Variants in DEUP1 observed in about 807,000 individuals in gnomAD.
DEUP1 encodes deuterosome assembly protein 1.
A neutral mutation model predicts 87.4 loss-of-function variants in DEUP1; 82 were observed. The ratio of observed to expected loss-of-function variants is 0.94; its 90% CI spans 0.78 to 1.13. The LOEUF is 1.13. Ranked by LOEUF, DEUP1 falls within the 50% of genes most tolerant of loss-of-function variation. The pLI is 0.00. For missense variants in DEUP1, 663 were observed against 681.5 expected, an observed-to-expected ratio of 0.97 and a Z score of 0.30; for synonymous variants, 214 against 222.7, an observed-to-expected ratio of 0.96 and a Z score of 0.35.
intron 11 of DEUP1, among the ~76,000 whole-genome samples, chr11:93,398,054 T>C (rs986878021): frequency 1.3e-5 from 2 of 152,100 alleles, no homozygotes; most frequent in Non-Finnish European, 2.9e-5. Context: ...CTCTAGATGA[T>C]ACATGTTAAC....
At position 93,394,540 on chromosome 11, in the gene DEUP1, G is replaced by T; in HGVS notation, c.1123G>T (p.Glu375Ter). 1 of 1,612,028 alleles carries T rather than the reference G, an allele frequency of 6.2e-7. No homozygotes were observed. The highest frequency in any genetic ancestry group is 8.5e-7 in the Non-Finnish European group (1 of 1,178,938). The change falls in exon 10 of 14, where the codon GAA becomes TAA. Residue 375 changes from glutamate (E) to a stop codon, truncating the protein, a stop_gained. Transcript: ENST00000298050. LOFTEE classifies it high-confidence loss of function. The part of the protein sequence containing the change: ...RMRNEISDLT[E>*]ELHQKEITIA... Reference sequence around the variant, plus strand: ...GAGGAATGAAATCTCTGACCTAACAGAAGAGCTTCATCAGAAGGAGATCAC... The same window carrying T: ...GAGGAATGAAATCTCTGACCTAACATAAGAGCTTCATCAGAAGGAGATCAC...
chr11:93,418,870 A>G (rs1046479502), intron 13 of DEUP1, among the ~76,000 whole-genome samples: 1 of 152,008 alleles, frequency 6.6e-6, no homozygotes, highest in African/African-American at 2.4e-5. Flanking sequence ...TGATGAGTTC[A>G]TGTCCTTTGT....
chr11:93,348,271 T>G (rs1291003710), intron 2 of DEUP1, among the ~76,000 whole-genome samples: 2 of 152,154 alleles, frequency 1.3e-5, no homozygotes. Context: ...TTTATTCATT[T>G]TTTTCAAAAA....
At chr11:93,414,856 A>C (rs752785843) in intron 12 of DEUP1, 144 bp from the exon 13 acceptor site, 17 of 419,146 alleles carry the variant, frequency 4.1e-5, no homozygotes, top group Non-Finnish European at 7.3e-5. Flanking sequence ...GGAAAGTCAT[A>C]TTCAAAGAAA....
chr11:93,436,839 G>A (rs566584370), intron 13 of DEUP1, among the ~76,000 whole-genome samples: 19 of 152,214 alleles, frequency 1.2e-4, no homozygotes, highest in Admixed American at 5.2e-4. Flanking sequence ...TTTTCAAAAC[G>A]AAGAATTGTA....
At chr11:93,406,578 G>A (rs1188019511) in intron 11 of DEUP1, among the ~76,000 whole-genome samples, 1 of 151,590 alleles carries the variant, frequency 6.6e-6, no homozygotes, top group Non-Finnish European at 1.5e-5. Context: ...ATAAAAGCAA[G>A]GAAGAAGTCA....
chr11:93,434,692 C>T (rs573145030), intron 13 of DEUP1, among the ~76,000 whole-genome samples: 2 of 152,178 alleles, frequency 1.3e-5, no homozygotes, highest in Non-Finnish European at 2.9e-5. Flanking sequence ...TGTAGAACAA[C>T]AGAGCCTAAA....
chr11:93,375,271 G>C (rs1421174256), intron 7 of DEUP1, among the ~76,000 whole-genome samples: 1 of 151,968 alleles, frequency 6.6e-6, no homozygotes, highest in African/African-American at 2.4e-5. Context: ...TACTGATTTG[G>C]ATGCCCTTTA....
In DEUP1 at chr11:93,355,478, G is replaced by A. The variant is rs757502099; in HGVS notation, c.137G>A (p.Arg46Gln). Residue 46 changes from arginine to glutamine, a missense_variant, in exon 3 of 14, where the codon CGA becomes CAA. Coordinates refer to ENST00000298050, the MANE Select transcript of DEUP1 (RefSeq NM_181645.4). ...WERKMRALET[R>Q]LDLRDQELAN... The stretch of plus-strand genomic sequence containing the variant: ...AGAAAGATGCGGGCTTTGGAGACAC[G>A]ATTAGATCTTCGGGATCAAGAATTG... 3.4e-5 allele frequency: 55 copies of A among 1,613,700 alleles called. No homozygotes were observed. Among genetic ancestry groups the A allele is most frequent in the South Asian group, 1.2e-4 (11 of 91,072 alleles).
intron 13 of DEUP1, among the ~76,000 whole-genome samples, chr11:93,426,994 T>TAAAA (rs1157644297): frequency 2.1e-3 from 6 of 2,912 alleles, no homozygotes; most frequent in Non-Finnish European, 2.2e-3. Flanking sequence ...TAGAGTATAA[T>TAAAA]AAAAAAAAAA....
intron 9 of DEUP1, 59 bp downstream of exon 9, chr11:93,389,184 G>A: frequency 2.1e-6 from 2 of 947,100 alleles, no homozygotes; most frequent in Admixed American, 3.1e-5. Context: ...ACATACAAAG[G>A]GAGTTAAAAA....
At chr11:93,349,774 T>C (rs1312969370) in intron 2 of DEUP1, among the ~76,000 whole-genome samples, 1 of 151,986 alleles carries the variant, frequency 6.6e-6, no homozygotes, top group Non-Finnish European at 1.5e-5. Flanking sequence ...AATAAAAATA[T>C]TTGTGGAAAT....
chr11:93,434,261 G>A (rs1186708145), intron 13 of DEUP1, among the ~76,000 whole-genome samples: 1 of 152,172 alleles, frequency 6.6e-6, no homozygotes, highest in Admixed American at 6.5e-5. Context: ...TGCTGCAATT[G>A]GTCGCTGACA....
At chr11:93,344,958 A>C (rs1001509342) in intron 2 of DEUP1, among the ~76,000 whole-genome samples, 1 of 151,764 alleles carries the variant, frequency 6.6e-6, no homozygotes, top group Non-Finnish European at 1.5e-5. Flanking sequence ...CATCATCCAC[A>C]TACTAAGCCT....
Position 93,437,951 on chromosome 11 carries a change from A to C in DEUP1, c.*232A>C. ...GCTGTAGAGTTACTATAAAATAAAC[A>C]TGACTATTCCAAAAGAGATTTTTTT... On this transcript the variant is annotated 3_prime_UTR_variant, in exon 14 of 14. Transcript: ENST00000298050. The C allele has an allele frequency of 3.2e-6, 1 of 312,880 alleles. No homozygotes were observed. Among genetic ancestry groups the C allele is most frequent in the Non-Finnish European group, 5.9e-6 (1 of 169,684 alleles). The allele number at this position is 312,880 out of a possible 1,614,324, so 19.4% of individuals were successfully genotyped here.
intron 2 of DEUP1, among the ~76,000 whole-genome samples, chr11:93,343,427 G>T (rs1325897661): frequency 7.6e-6 from 1 of 132,388 alleles, no homozygotes; most frequent in Non-Finnish European, 1.7e-5. Context: ...ATTATTAATT[G>T]CATCATACAT....
chr11:93,391,251 T>C lies in DEUP1; in HGVS notation c.1041+2126T>C, dbSNP rs150882975. On this transcript the variant is annotated intron_variant, in intron 9 of 13. Coordinates refer to ENST00000298050, the MANE Select transcript of DEUP1 (RefSeq NM_181645.4). ...TTATTTTGTGATAACATTCACATTTTCAATAAACCAAAAGTCATTTGGAGT... is the reference window on the plus strand; with the variant it reads ...TTATTTTGTGATAACATTCACATTTCCAATAAACCAAAAGTCATTTGGAGT... 3.3e-3 allele frequency among the ~76,000 whole-genome samples: 505 copies of C among 152,320 alleles called. 6 individuals carry two copies. Among genetic ancestry groups the C allele is most frequent in the African/African-American group, 0.012 (481 of 41,576 alleles).
chr11:93,435,647 C>G (rs1215512600), intron 13 of DEUP1, among the ~76,000 whole-genome samples: 2 of 152,066 alleles, frequency 1.3e-5, no homozygotes, highest in African/African-American at 4.8e-5. Context: ...CTACTTGTAC[C>G]CTATCCTGAA....
chr11:93,369,929 CAAAAAAAAAAA>C, intron 5 of DEUP1, 133 bp from the exon 6 acceptor site: 2 of 18,480 alleles, frequency 1.1e-4, no homozygotes, highest in Non-Finnish European at 1.5e-4. Flanking sequence ...GACTCCGTCT[CAAAAAAAAAAA>C]AAAAAAAAAA....
Sources: allele counts gnomAD v4.1 joint callset (sites outside exome capture counted in the v4.1 genomes callset), GRCh38; gene constraint gnomAD v4.1.1; transcripts MANE v1.5; gene names NCBI Gene and HGNC (gene_info 2026-07-23, HGNC 2026-07-21).